ZHX2: variants seen among roughly 807,000 people sequenced by gnomAD.
ZHX2 encodes zinc fingers and homeoboxes 2.
A neutral mutation model predicts 21.9 loss-of-function variants in ZHX2; 6 were observed. The ratio of observed to expected loss-of-function variants is 0.27; its 90% CI spans 0.15 to 0.54. The LOEUF is 0.54. ZHX2 is among the 20% of genes least tolerant of loss of function. ZHX2 has a pLI of 0.95. For synonymous variants in ZHX2, 434 were observed against 437.1 expected (o/e 0.99, Z 0.09); for missense variants, 908 against 1,090.7 (o/e 0.83, Z 2.36).
intron 2 of ZHX2, among the ~76,000 whole-genome samples, chr8:122,939,732 A>G (rs540136573): frequency 5.9e-5 from 9 of 152,238 alleles, no homozygotes; most frequent in Non-Finnish European, 1.2e-4. Context: ...CAGGAAATTT[A>G]AGAGGTAGGA....
At chr8:122,791,937 A>T (rs188214745) in intron 1 of ZHX2, among the ~76,000 whole-genome samples, 1 of 152,254 alleles carries the variant, frequency 6.6e-6, no homozygotes, top group Admixed American at 6.5e-5. Flanking sequence ...AGGTATTATC[A>T]TTAGCCCTAT....
At chr8:122,968,849 A>G (rs1303763216) in intron 3 of ZHX2, among the ~76,000 whole-genome samples, 3 of 151,754 alleles carry the variant, frequency 2.0e-5, no homozygotes, top group Admixed American at 6.6e-5. Context: ...TGGAAAAAAA[A>G]AAAAAGAAAA....
At chr8:122,887,993 G>A (rs556292607) in intron 2 of ZHX2, among the ~76,000 whole-genome samples, 11 of 152,170 alleles carry the variant, frequency 7.2e-5, no homozygotes, top group Admixed American at 2.0e-4. Context: ...GCCTCCTGCC[G>A]TGGGTGGTCC....
chr8:122,883,686 A>G (rs1366332576), intron 2 of ZHX2, among the ~76,000 whole-genome samples: 1 of 152,248 alleles, frequency 6.6e-6, no homozygotes, highest in Non-Finnish European at 1.5e-5. Flanking sequence ...TTAGAAATAC[A>G]CAAATAGTAC....
intron 1 of ZHX2, among the ~76,000 whole-genome samples, chr8:122,854,142 C>T: frequency 6.6e-6 from 1 of 152,250 alleles, no homozygotes; most frequent in East Asian, 1.9e-4. Context: ...CCTCCTCTCA[C>T]AGCATGCCTG....
intron 1 of ZHX2, among the ~76,000 whole-genome samples, chr8:122,816,743 T>G (rs1818044025): frequency 6.6e-6 from 1 of 152,154 alleles, no homozygotes; most frequent in Admixed American, 6.5e-5. Flanking sequence ...TTTCCAATTA[T>G]CATTTTAGAG....
intron 1 of ZHX2, among the ~76,000 whole-genome samples, chr8:122,848,733 G>A (rs938867620): frequency 1.3e-5 from 2 of 152,316 alleles, no homozygotes; most frequent in Admixed American, 6.5e-5. Flanking sequence ...ATGGACAATC[G>A]CTGTTTCTTC....
At chr8:122,938,602 T>C (rs1812764824) in intron 2 of ZHX2, among the ~76,000 whole-genome samples, 1 of 152,054 alleles carries the variant, frequency 6.6e-6, no homozygotes, top group Admixed American at 6.5e-5. Flanking sequence ...TTTGGGAGGC[T>C]GAGGCAGGCA....
intron 1 of ZHX2, among the ~76,000 whole-genome samples, chr8:122,798,020 G>T (rs1335849340): frequency 1.3e-5 from 2 of 152,142 alleles, no homozygotes; most frequent in Non-Finnish European, 2.9e-5. Flanking sequence ...AGAGAGTCCT[G>T]ATTATCTGTA....
chr8:122,864,120 T>C (rs2057332946), intron 2 of ZHX2, among the ~76,000 whole-genome samples: 2 of 148,912 alleles, frequency 1.3e-5, no homozygotes, highest in Non-Finnish European at 3.0e-5. Flanking sequence ...CAAGCAGAGG[T>C]TGGAGAAATG....
chr8:122,917,863 A>G (rs1346983106), intron 2 of ZHX2, among the ~76,000 whole-genome samples: 1 of 152,168 alleles, frequency 6.6e-6, no homozygotes, highest in Admixed American at 6.5e-5. Flanking sequence ...TTCCTCACCC[A>G]CAGCAGACAT....
intron 2 of ZHX2, among the ~76,000 whole-genome samples, chr8:122,896,186 G>C (rs769441164): frequency 5.9e-5 from 9 of 151,872 alleles, no homozygotes; most frequent in Non-Finnish European, 1.2e-4. Flanking sequence ...GTTCTCCCTG[G>C]GCTGACTCTA....
At chr8:122,865,995 G>A (rs544296370) in intron 2 of ZHX2, among the ~76,000 whole-genome samples, 3 of 152,294 alleles carry the variant, frequency 2.0e-5, no homozygotes, top group South Asian at 2.1e-4. Flanking sequence ...GGTTGAAAGC[G>A]GAGGTGGCCC....
intron 1 of ZHX2, among the ~76,000 whole-genome samples, chr8:122,788,403 T>TA (rs1214761198): frequency 1.3e-5 from 2 of 151,678 alleles, no homozygotes; most frequent in Non-Finnish European, 2.9e-5. Flanking sequence ...ACAAAAAATT[T>TA]AAAAAACTAA....
chr8:122,938,730 C>T (rs1045036224), intron 2 of ZHX2, among the ~76,000 whole-genome samples: 6 of 151,714 alleles, frequency 4.0e-5, no homozygotes, highest in African/African-American at 9.7e-5. Flanking sequence ...CCAAGCTACT[C>T]GGGAGGCTGA....
At chr8:122,860,238 C>T (rs542876731) in intron 1 of ZHX2, among the ~76,000 whole-genome samples, 85 of 152,304 alleles carry the variant, frequency 5.6e-4, no homozygotes, top group African/African-American at 2.0e-3. Context: ...GGGAAAACCA[C>T]GCTCATGATT....
At chr8:122,937,864 GAGCCAC>G (rs1435743692) in intron 2 of ZHX2, among the ~76,000 whole-genome samples, 2 of 151,186 alleles carry the variant, frequency 1.3e-5, no homozygotes, top group Non-Finnish European at 2.9e-5. Flanking sequence ...TTACAGGCAT[GAGCCAC>G]CGCGCCCAGC....
chr8:122,851,011 C>T (rs1226148945), intron 1 of ZHX2, among the ~76,000 whole-genome samples: 2 of 152,120 alleles, frequency 1.3e-5, no homozygotes, highest in Non-Finnish European at 2.9e-5. Context: ...GCCTAGAACA[C>T]TCTTTTCCCA....
At chr8:122,786,842 G>A (rs1227808853) in intron 1 of ZHX2, among the ~76,000 whole-genome samples, 4 of 151,950 alleles carry the variant, frequency 2.6e-5, no homozygotes, top group Admixed American at 6.6e-5. Flanking sequence ...CATCCAGACA[G>A]CACATCTCAG....
Sources: allele counts gnomAD v4.1 joint callset (sites outside exome capture counted in the v4.1 genomes callset), GRCh38; gene constraint gnomAD v4.1.1; transcripts MANE v1.5; gene names NCBI Gene and HGNC (gene_info 2026-07-23, HGNC 2026-07-21).